The following MAPKAP1 variants were observed in gnomAD, a reference collection of about 807,000 sequenced individuals.
The protein encoded by MAPKAP1 is target of rapamycin complex 2 subunit MAPKAP1.
In MAPKAP1, 20 loss-of-function variants were observed where a neutral mutation model predicts 65.7. The ratio of observed to expected loss-of-function variants is 0.30; its 90% CI spans 0.21 to 0.44. The LOEUF is 0.44. MAPKAP1 is among the 20% of genes least tolerant of loss of function. MAPKAP1 has a pLI of 1.00. For synonymous variants in MAPKAP1, 222 were observed against 244.3 expected (o/e 0.91, Z 0.85); for missense variants, 423 against 648.0 (o/e 0.65, Z 3.77).
chr9:125,659,162 T>C (rs1198333171), intron 3 of MAPKAP1, among the ~76,000 whole-genome samples: 2 of 152,224 alleles, frequency 1.3e-5, no homozygotes, highest in African/African-American at 4.8e-5. Context: ...ACCACTTTCA[T>C]GCTTACAATT....
chr9:125,662,038 AGAT>A (rs1003001901), intron 3 of MAPKAP1, among the ~76,000 whole-genome samples: 1 of 152,178 alleles, frequency 6.6e-6, no homozygotes, highest in Admixed American at 6.5e-5. Flanking sequence ...GAAAAATTTG[AGAT>A]GATTAGGGAA....
chr9:125,632,487 C>T (rs1366230202), intron 4 of MAPKAP1, among the ~76,000 whole-genome samples: 1 of 152,132 alleles, frequency 6.6e-6, no homozygotes, highest in Non-Finnish European at 1.5e-5. Context: ...TTAACCATGA[C>T]CCTAAACCTT....
chr9:125,597,721 C>T (rs1258027249), intron 4 of MAPKAP1, among the ~76,000 whole-genome samples: 1 of 152,064 alleles, frequency 6.6e-6, no homozygotes, highest in East Asian at 1.9e-4. Flanking sequence ...AATTTTAATG[C>T]AGAAATAAAT....
At chr9:125,477,404 A>G (rs556173062) in intron 9 of MAPKAP1, among the ~76,000 whole-genome samples, 3 of 152,348 alleles carry the variant, frequency 2.0e-5, no homozygotes, top group South Asian at 4.1e-4. Context: ...AAGCTTGGAC[A>G]AAGAGATAAG....
chr9:125,459,551 G>A (rs141332284), intron 10 of MAPKAP1, among the ~76,000 whole-genome samples: 22,361 of 151,748 alleles, frequency 0.15, 1,962 homozygotes, highest in Non-Finnish European at 0.22. Flanking sequence ...ACGAGACTCC[G>A]TCTGCAATCC....
chr9:125,668,499 G>A (rs72769142), intron 3 of MAPKAP1, among the ~76,000 whole-genome samples: 28 of 152,266 alleles, frequency 1.8e-4, no homozygotes, highest in Non-Finnish European at 3.5e-4. Flanking sequence ...ATTACATGCC[G>A]ATATGATATT....
intron 5 of MAPKAP1, among the ~76,000 whole-genome samples, chr9:125,569,027 T>A (rs1262846987): frequency 1.3e-5 from 2 of 152,208 alleles, no homozygotes. Flanking sequence ...AGTCGTTCTG[T>A]GTCGAGGGGT....
intron 10 of MAPKAP1, among the ~76,000 whole-genome samples, chr9:125,465,423 C>A (rs528295621): frequency 1.3e-5 from 2 of 152,122 alleles, no homozygotes; most frequent in South Asian, 4.1e-4. Flanking sequence ...AAACAGAAGA[C>A]GCCCCACAGA....
At chr9:125,456,220 G>A (rs1402418816) in intron 10 of MAPKAP1, among the ~76,000 whole-genome samples, 2 of 152,024 alleles carry the variant, frequency 1.3e-5, no homozygotes, top group African/African-American at 2.4e-5. Flanking sequence ...GCCTTGGTGT[G>A]GTTTTCTTTA....
chr9:125,488,957 A>G (rs1854600083), intron 8 of MAPKAP1, among the ~76,000 whole-genome samples: 2 of 152,250 alleles, frequency 1.3e-5, no homozygotes, highest in South Asian at 4.1e-4. Context: ...GAAAAGTTCT[A>G]TGACTTTGCA....
At chr9:125,607,902 C>G (rs989660987) in intron 4 of MAPKAP1, among the ~76,000 whole-genome samples, 1 of 152,216 alleles carries the variant, frequency 6.6e-6, no homozygotes. Context: ...GATCTGCCTG[C>G]CTTGGCCTCC....
chr9:125,440,611 A>AACGCCTCAGATGGCC (rs771149531), intron 11 of MAPKAP1, among the ~76,000 whole-genome samples: 6 of 152,144 alleles, frequency 3.9e-5, no homozygotes, highest in East Asian at 3.9e-4. Context: ...GCGAGATGGC[A>AACGCCTCAGATGGCC]ACGCCTCAGA....
intron 4 of MAPKAP1, among the ~76,000 whole-genome samples, chr9:125,591,102 C>T (rs1273114905): frequency 2.0e-5 from 3 of 152,134 alleles, no homozygotes; most frequent in African/African-American, 7.2e-5. Context: ...CTGAGAAAAC[C>T]AAGGCTTACA....
chr9:125,684,482 A>G lies in MAPKAP1; in HGVS notation c.-69-11839T>C, dbSNP rs147131601. ...ATAATGTGAGGTTTGAAGCCACTAA[A>G]TTTGTGGTAATTTTCAACTCCCTCG... On this transcript the variant is annotated intron_variant, in intron 1 of 11. Transcript: ENST00000265960. Among the ~76,000 whole-genome samples, 1,172 of 152,294 alleles carry G rather than the reference A, an allele frequency of 7.7e-3. 7 individuals carry two copies. Among genetic ancestry groups the G allele is most frequent in the Middle Eastern group, 0.017 (5 of 294 alleles).
rs185663500 is a variant in MAPKAP1 at position 125,560,455 on chromosome 9, G to A, written c.672-646C>T. On this transcript the variant is annotated intron_variant, in intron 5 of 11. Coordinates refer to ENST00000265960, the MANE Select transcript of MAPKAP1 (RefSeq NM_001006617.3). ...AAAAATTAGCCAGACATGGTGGTAT[G>A]CGCCTGTAGTTCCAGCTACTCAGGA... 5.0e-3 allele frequency among the ~76,000 whole-genome samples: 754 copies of A among 152,148 alleles called. 5 individuals are homozygous for A. Among genetic ancestry groups the A allele is most frequent in the African/African-American group, 0.017 (711 of 41,500 alleles).
At chr9:125,576,486 C>CTCTCCCTCTCCCTCTCCCCACGG (rs984732290) in intron 5 of MAPKAP1, among the ~76,000 whole-genome samples, 23 of 148,676 alleles carry the variant, frequency 1.5e-4, no homozygotes, top group East Asian at 3.9e-4. Context: ...ATAGCTCTCC[C>CTCTCCCTCTCCCTCTCCCCACGG]TCTCCCTCTC....
At chr9:125,504,347 T>C (rs1037354275) in intron 8 of MAPKAP1, among the ~76,000 whole-genome samples, 4 of 152,260 alleles carry the variant, frequency 2.6e-5, no homozygotes, top group Non-Finnish European at 5.9e-5. Context: ...AAGGTACTTA[T>C]AACTGGTTGC....
chr9:125,622,581 G>A (rs1015174281), intron 4 of MAPKAP1, among the ~76,000 whole-genome samples: 4 of 151,902 alleles, frequency 2.6e-5, no homozygotes, highest in Non-Finnish European at 5.9e-5. Context: ...GAGTAGCTAG[G>A]ATTGCAGGCG....
At chr9:125,621,142 T>A (rs1357863297) in intron 4 of MAPKAP1, among the ~76,000 whole-genome samples, 1 of 151,936 alleles carries the variant, frequency 6.6e-6, no homozygotes, top group Non-Finnish European at 1.5e-5. Flanking sequence ...TGTGGTGGCA[T>A]GTGCCTGTAG....
Sources: gnomAD v4.1 joint callset for allele counts (sites outside exome capture counted in the v4.1 genomes callset) on GRCh38, gnomAD v4.1.1 for gene constraint, MANE v1.5 for transcripts, NCBI Gene and HGNC (gene_info 2026-07-23, HGNC 2026-07-21) for gene names.